The following NANOS1 variants were observed in gnomAD, a reference collection of about 807,000 sequenced individuals.
The protein encoded by NANOS1 is nanos homolog 1.
Under a neutral mutation model 1.1 loss-of-function variants are expected in NANOS1, and 1 was observed. The ratio of observed to expected loss-of-function variants is 0.88; its 90% CI spans 0.31 to 4.20. NANOS1 has a LOEUF of 4.20. Among genes scored for constraint, NANOS1 ranks in the 30% most tolerant of loss-of-function variants. The probability of loss-of-function intolerance (pLI) is 0.17; values close to 1 mark genes in which losing one functional copy is unlikely to be tolerated. For synonymous variants in NANOS1, 252 were observed against 230.6 expected (o/e 1.09, Z -0.84); for missense variants, 537 against 457.9 (o/e 1.17, Z -1.58).
At position 119,031,289 on chromosome 10, in the gene NANOS1, T is replaced by TC. The variant is rs1456425649; in HGVS notation, c.*613dup. 3.0e-5 allele frequency: 5 copies of TC among 167,112 alleles called. No homozygotes were observed. The East Asian group carries it at 9.6e-4, about 32-fold the overall frequency. The allele number at this position is 167,112 out of a possible 1,614,324, so 10.4% of individuals were successfully genotyped here. ...TTCCAGTATTAATTTGGGCGGGTAT[T>TC]CCCCGCTTGTGGCTTGTTTCTGTCC... is the stretch of plus-strand genomic sequence containing the variant. On this transcript the variant is annotated 3_prime_UTR_variant, in exon 1 of 1. Coordinates refer to ENST00000425699, the MANE Select transcript of NANOS1 (RefSeq NM_199461.4).
Position 119,029,893 on chromosome 10 carries a change from C to G in NANOS1, c.92C>G (p.Ala31Gly). 1 of 1,375,652 alleles carries G rather than the reference C, an allele frequency of 7.3e-7. No homozygotes were observed. The highest frequency in any genetic ancestry group is 9.4e-7 in the Non-Finnish European group (1 of 1,060,464). The allele number at this position is 1,375,652 out of a possible 1,614,324, so 85.2% of individuals were successfully genotyped here. ...GTGCCCAGCGCCCGCTACGTGAGCG[C>G]CCCGGGCCCGGCGCACCCGCAGCCC... ...ALVPSARYVS[A>G]PGPAHPQPFS... The change falls in exon 1 of 1, where the codon GCC (alanine) becomes GGC (glycine). Residue 31 changes from alanine to glycine, a missense_variant. Physicochemically the swap from Ala to Gly is moderately conservative, Grantham distance 60. Coordinates refer to ENST00000425699, the MANE Select transcript of NANOS1 (RefSeq NM_199461.4).
rs1848012345 is a variant in NANOS1, at chr10:119,029,805, G to A, written c.4G>A (p.Glu2Lys). The change falls in exon 1 of 1, where the codon GAG becomes AAG. Residue 2 changes from glutamate to lysine, a missense_variant. Glu to Lys is a moderately conservative substitution (Grantham distance 56). Coordinates refer to ENST00000425699, the MANE Select transcript of NANOS1 (RefSeq NM_199461.4). ...GCGCGCGGCCCGCAGCCCGCCCATG[G>A]AGGCTTTCCCCTGGGCGCCCCGCTC... M[E>K]AFPWAPRSPR... 2 of 1,104,426 alleles carry A rather than the reference G, an allele frequency of 1.8e-6. No individual in the cohort carries two copies. The highest frequency in any genetic ancestry group is 1.7e-5 in the African/African-American group (1 of 59,528). 68.4% of individuals were successfully genotyped at this position (1,104,426 alleles called of 1,614,324 possible). A position where few individuals can be genotyped will look rare whatever the true frequency, so the allele number is the denominator to read the frequency against.
At position 119,030,297 on chromosome 10, in the gene NANOS1, G is replaced by A; in HGVS notation, c.496G>A (p.Ala166Thr). 8.6e-7 allele frequency: 1 copy of A among 1,169,358 alleles called. No individual in the cohort carries two copies. The highest frequency in any genetic ancestry group is 1.6e-5 in the African/African-American group (1 of 61,512). The allele number at this position is 1,169,358 out of a possible 1,614,324, so 72.4% of individuals were successfully genotyped here. A position where few individuals can be genotyped will look rare whatever the true frequency, so the allele number is the denominator to read the frequency against. ...GRAAAVLLGC[A>T]PAAAAAATTT... ...TGCCGCCGCCGTGCTGCTGGGCTGC[G>A]CGCCCGCCGCCGCCGCCGCCGCCAC... Residue 166 changes from alanine to threonine, a missense_variant, in exon 1 of 1, where the codon GCG (alanine) becomes ACG (threonine). Physicochemically the swap from Ala to Thr is moderately conservative, Grantham distance 58 (BLOSUM62 0). Coordinates refer to ENST00000425699, the MANE Select transcript of NANOS1 (RefSeq NM_199461.4). The surrounding 1 kb of genome is among the most constrained non-coding windows in gnomAD (Gnocchi z 5.3).
Position 119,030,318 on chromosome 10 carries a change from GCCACCA to G in NANOS1, c.524_529del (p.Thr175_Thr176del). ...CTGCGCGCCCGCCGCCGCCGCCGCCGCCACCACCACCAGCGAGGCGACGCCGCGCGA... is the reference window on the plus strand; with the variant it reads ...CTGCGCGCCCGCCGCCGCCGCCGCCGCCACCAGCGAGGCGACGCCGCGCGA... On this transcript the variant is annotated inframe_deletion, in exon 1 of 1. Transcript: ENST00000425699. This position sits in a 1 kb window ranked among gnomAD's most constrained non-coding sequence, Gnocchi z 5.3. 9.0e-7 allele frequency: 1 copy of G among 1,115,754 alleles called. No homozygotes were observed. The highest frequency in any genetic ancestry group is 1.1e-6 in the Non-Finnish European group (1 of 916,418). The allele number at this position is 1,115,754 out of a possible 1,614,324, so 69.1% of individuals were successfully genotyped here.
chr10:119,029,739 C>G lies in NANOS1; in HGVS notation c.-63C>G, dbSNP rs1229101467. ...GCGGCAGGCCGGCGGGCAGGCTCGGCGTGTCCCTTCCGTCCGGCCCGCGCC... is the reference window on the plus strand; with the variant it reads ...GCGGCAGGCCGGCGGGCAGGCTCGGGGTGTCCCTTCCGTCCGGCCCGCGCC... On this transcript the variant is annotated 5_prime_UTR_variant, in exon 1 of 1. Transcript: ENST00000425699. 1.1e-6 allele frequency: 1 copy of G among 897,178 alleles called. No homozygotes were observed. The highest frequency in any genetic ancestry group is 1.3e-6 in the Non-Finnish European group (1 of 752,514). The allele number at this position is 897,178 out of a possible 1,614,324, so 55.6% of individuals were successfully genotyped here.
rs1027891166 is a variant in NANOS1, at chr10:119,032,939, A to G, written c.*2259A>G. 1.2e-5 allele frequency: 2 copies of G among 167,194 alleles called. No homozygotes were observed. Among genetic ancestry groups the G allele is most frequent in the Non-Finnish European group, 2.9e-5 (2 of 68,224 alleles). The allele number at this position is 167,194 out of a possible 1,614,324, so 10.4% of individuals were successfully genotyped here. ...ATTTTCAGGCCGGGTGTGGTGGCTC[A>G]TGCCTGTAATCCCAGCACTTTGGGA... On this transcript the variant is annotated 3_prime_UTR_variant, in exon 1 of 1. Coordinates refer to ENST00000425699, the MANE Select transcript of NANOS1 (RefSeq NM_199461.4).
chr10:119,030,037 C>T lies in NANOS1; in HGVS notation c.236C>T (p.Ser79Phe). 1 of 1,376,580 alleles carries T rather than the reference C, an allele frequency of 7.3e-7. No homozygotes were observed. The highest frequency in any genetic ancestry group is 9.4e-7 in the Non-Finnish European group (1 of 1,064,428). 85.3% of individuals were successfully genotyped at this position (1,376,580 alleles called of 1,614,324 possible). A position where few individuals can be genotyped will look rare whatever the true frequency, so the allele number is the denominator to read the frequency against. The change falls in exon 1 of 1, where the codon TCC becomes TTC. Residue 79 changes from serine (S) to phenylalanine (F), a missense_variant. By Grantham distance (155) the Ser-to-Phe change is radical. Transcript: ENST00000425699. This position sits in a 1 kb window ranked among gnomAD's most constrained non-coding sequence, Gnocchi z 5.3. The stretch of plus-strand genomic sequence containing the variant: ...GGCGGCGGCGGCTCCCCGCCCTCCT[C>T]CTCCTCGTCGTCCTGCTGCTCCCCC... ...GNGGGGSPPS[S>F]SSSSCCSPHT...
chr10:119,033,424 T>C lies in NANOS1; in HGVS notation c.*2744T>C, dbSNP rs1848082117. The C allele has an allele frequency of 6.0e-6, 1 of 167,060 alleles. No homozygotes were observed. The highest frequency in any genetic ancestry group is 2.1e-4 in the South Asian group (1 of 4,834). The allele number at this position is 167,060 out of a possible 1,614,324, so 10.3% of individuals were successfully genotyped here. On this transcript the variant is annotated 3_prime_UTR_variant, in exon 1 of 1. Transcript: ENST00000425699. ...TTTAGAGAAACCCAATTTTTCAAAG[T>C]TTAAGAAATATACAAAGTATGACAA...
Position 119,030,927 on chromosome 10 carries a change from G to GGT in NANOS1, c.*252_*253dup, listed in dbSNP as rs916322946. The GGT allele has an allele frequency of 2.2e-6, 1 of 452,106 alleles. No individual in the cohort carries two copies. The highest frequency in any genetic ancestry group is 2.1e-5 in the African/African-American group (1 of 48,382). 28.0% of individuals were successfully genotyped at this position (452,106 alleles called of 1,614,324 possible). Reference sequence around the variant, plus strand: ...TGCACATCCAGAACGGCGAAGGCTGGGTGTGTATTCCACTAACTGAAATAT... The same window carrying GGT: ...TGCACATCCAGAACGGCGAAGGCTGGGTGTGTGTATTCCACTAACTGAAATAT... On this transcript the variant is annotated 3_prime_UTR_variant, in exon 1 of 1. Coordinates refer to ENST00000425699, the MANE Select transcript of NANOS1 (RefSeq NM_199461.4). This position sits in a 1 kb window ranked among gnomAD's most constrained non-coding sequence, Gnocchi z 5.3.
Position 119,030,598 on chromosome 10 carries a change from C to A in NANOS1, c.797C>A (p.Pro266Gln). 6.6e-7 allele frequency: 1 copy of A among 1,503,948 alleles called. No homozygotes were observed. The allele number at this position is 1,503,948 out of a possible 1,614,324, so 93.2% of individuals were successfully genotyped here. The change falls in exon 1 of 1, where the codon CCG (proline) becomes CAG (glutamine). Residue 266 changes from proline (P) to glutamine (Q), a missense_variant. By Grantham distance (76) the Pro-to-Gln change is moderately conservative. Coordinates refer to ENST00000425699, the MANE Select transcript of NANOS1 (RefSeq NM_199461.4). The surrounding 1 kb of genome is among the most constrained non-coding windows in gnomAD (Gnocchi z 5.3). ...GDNAHTIKYC[P>Q]LSKVPPPPAR... ...AACGCGCACACCATCAAGTACTGCCCGCTCTCCAAAGTGCCGCCGCCGCCC... is the reference window on the plus strand; with the variant it reads ...AACGCGCACACCATCAAGTACTGCCAGCTCTCCAAAGTGCCGCCGCCGCCC...
chr10:119,029,969 G>A lies in NANOS1; in HGVS notation c.168G>A (p.Ala56=). 2.8e-6 allele frequency: 4 copies of A among 1,420,244 alleles called. No individual in the cohort carries two copies. Among genetic ancestry groups the A allele is most frequent in the Admixed American group, 2.7e-5 (1 of 37,626 alleles). 88.0% of individuals were successfully genotyped at this position (1,420,244 alleles called of 1,614,324 possible). ...YLGLATLITK[A]VDGEPRFGCA... Reference sequence around the variant, plus strand: ...GGCTCGCCACGCTCATCACCAAAGCGGTGGACGGCGAGCCGCGCTTCGGCT... The same window carrying A: ...GGCTCGCCACGCTCATCACCAAAGCAGTGGACGGCGAGCCGCGCTTCGGCT... The change falls in exon 1 of 1, where the codon GCG becomes GCA. Residue 56 remains alanine (A), a synonymous_variant. Coordinates refer to ENST00000425699, the MANE Select transcript of NANOS1 (RefSeq NM_199461.4).
Position 119,033,541 on chromosome 10 carries a change from G to T in NANOS1, c.*2861G>T, listed in dbSNP as rs1294184618. The T allele has an allele frequency of 6.0e-6, 1 of 167,098 alleles. No homozygotes were observed. The highest frequency in any genetic ancestry group is 1.5e-5 in the Non-Finnish European group (1 of 68,120). The allele number at this position is 167,098 out of a possible 1,614,324, so 10.4% of individuals were successfully genotyped here. On this transcript the variant is annotated 3_prime_UTR_variant, in exon 1 of 1. Transcript: ENST00000425699. ...GGGCTTCTCCAACTGTAGAGGTACA[G>T]ATTGTCTTAACCTGTTCTTTTCTGT... is the stretch of plus-strand genomic sequence containing the variant.
chr10:119,030,002 C>T lies in NANOS1; in HGVS notation c.201C>T (p.Arg67=). ...VDGEPRFGCA[R]GGNGGGGSPP... is the part of the protein sequence containing the mutation. The stretch of plus-strand genomic sequence containing the variant: ...GCGAGCCGCGCTTCGGCTGCGCCCG[C>T]GGTGGGAACGGCGGCGGCGGCTCCC... Residue 67 remains arginine, a synonymous_variant, in exon 1 of 1, where the codon CGC becomes CGT. Transcript: ENST00000425699. The surrounding 1 kb of genome is among the most constrained non-coding windows in gnomAD (Gnocchi z 5.3). The T allele has an allele frequency of 7.1e-7, 1 of 1,411,666 alleles. No homozygotes were observed. The highest frequency in any genetic ancestry group is 9.2e-7 in the Non-Finnish European group (1 of 1,083,188). The allele number at this position is 1,411,666 out of a possible 1,614,324, so 87.4% of individuals were successfully genotyped here.
rs1848011447 is a variant in NANOS1, at chr10:119,029,775, AGGCGGCGCGC to A, written c.-23_-14del. The A allele has an allele frequency of 1.0e-6, 1 of 981,516 alleles. No individual in the cohort carries two copies. The highest frequency in any genetic ancestry group is 4.7e-5 in the South Asian group (1 of 21,284). 60.8% of individuals were successfully genotyped at this position (981,516 alleles called of 1,614,324 possible). On this transcript the variant is annotated 5_prime_UTR_variant, in exon 1 of 1. Coordinates refer to ENST00000425699, the MANE Select transcript of NANOS1 (RefSeq NM_199461.4). ...CGTCCGGCCCGCGCCGGCGGCGGGG[AGGCGGCGCGC>A]GGCCCGCAGCCCGCCCATGGAGGCT...
In NANOS1 at chr10:119,030,302, C is replaced by T. The variant is rs1156788362; in HGVS notation, c.501C>T (p.Pro167=). The change falls in exon 1 of 1, where the codon CCC becomes CCT. Residue 167 remains proline (P), a synonymous_variant. Transcript: ENST00000425699. The surrounding 1 kb of genome is among the most constrained non-coding windows in gnomAD (Gnocchi z 5.3). ...RAAAVLLGCA[P]AAAAAATTTS... ...CCGCCGTGCTGCTGGGCTGCGCGCC[C>T]GCCGCCGCCGCCGCCGCCACCACCA... The T allele has an allele frequency of 1.9e-6, 2 of 1,072,494 alleles. No individual in the cohort carries two copies. The highest frequency in any genetic ancestry group is 1.0e-4 in the East Asian group (2 of 19,058). 66.4% of individuals were successfully genotyped at this position (1,072,494 alleles called of 1,614,324 possible).
rs1848041599 is a variant in NANOS1, at chr10:119,031,004, G to T, written c.*324G>T. ...CTGTATACGTCGACCTATTTTAGAT[G>T]CGCATCAGTATGAAATTGTCTCAAT... is the stretch of plus-strand genomic sequence containing the variant. On this transcript the variant is annotated 3_prime_UTR_variant, in exon 1 of 1. Coordinates refer to ENST00000425699, the MANE Select transcript of NANOS1 (RefSeq NM_199461.4). The T allele has an allele frequency of 3.7e-6, 1 of 273,946 alleles. No homozygotes were observed. Among genetic ancestry groups the T allele is most frequent in the East Asian group, 7.1e-5 (1 of 14,024 alleles). 17.0% of individuals were successfully genotyped at this position (273,946 alleles called of 1,614,324 possible).
chr10:119,030,496 T>C lies in NANOS1; in HGVS notation c.695T>C (p.Leu232Pro). 6.6e-7 allele frequency: 1 copy of C among 1,512,268 alleles called. No individual in the cohort carries two copies. The highest frequency in any genetic ancestry group is 2.7e-5 in the East Asian group (1 of 37,172). The allele number at this position is 1,512,268 out of a possible 1,614,324, so 93.7% of individuals were successfully genotyped here. ...ATGGCGCTCTACACCACCCATATCCTCAAGGGCCCCGACGGGCGAGTGCTG... is the reference window on the plus strand; with the variant it reads ...ATGGCGCTCTACACCACCCATATCCCCAAGGGCCCCGACGGGCGAGTGCTG... ...EAMALYTTHI[L>P]KGPDGRVLCP... The change falls in exon 1 of 1, where the codon CTC becomes CCC. Residue 232 changes from leucine to proline, a missense_variant. By Grantham distance (98) the Leu-to-Pro change is moderately conservative (BLOSUM62 -3). Transcript: ENST00000425699. This position sits in a 1 kb window ranked among gnomAD's most constrained non-coding sequence, Gnocchi z 5.3.
At position 119,030,051 on chromosome 10, in the gene NANOS1, T is replaced by C; in HGVS notation, c.250T>C (p.Cys84Arg). The C allele has an allele frequency of 7.4e-7, 1 of 1,348,538 alleles. No individual in the cohort carries two copies. The highest frequency in any genetic ancestry group is 9.5e-7 in the Non-Finnish European group (1 of 1,050,932). The allele number at this position is 1,348,538 out of a possible 1,614,324, so 83.5% of individuals were successfully genotyped here. A position where few individuals can be genotyped will look rare whatever the true frequency, so the allele number is the denominator to read the frequency against. ...CCCGCCCTCCTCCTCCTCGTCGTCCTGCTGCTCCCCCCACACGGGGGCCGG... is the reference window on the plus strand; with the variant it reads ...CCCGCCCTCCTCCTCCTCGTCGTCCCGCTGCTCCCCCCACACGGGGGCCGG... Reference protein sequence around the residue: ...GSPPSSSSSSCCSPHTGAGPG... With the variant: ...GSPPSSSSSSRCSPHTGAGPG... The change falls in exon 1 of 1, where the codon TGC (cysteine) becomes CGC (arginine). Residue 84 changes from cysteine (C) to arginine (R), a missense_variant. Cys to Arg is a radical substitution (Grantham distance 180, BLOSUM62 -3). Transcript: ENST00000425699. This position sits in a 1 kb window ranked among gnomAD's most constrained non-coding sequence, Gnocchi z 5.3.
In NANOS1 at chr10:119,032,347, C is replaced by T. The variant is rs1158100185; in HGVS notation, c.*1667C>T. On this transcript the variant is annotated 3_prime_UTR_variant, in exon 1 of 1. Transcript: ENST00000425699. ...GGGGCAGGAGGAAAGCACAATGTTT[C>T]TTAGCCAGGAAAGACAAATAATCCA... The T allele has an allele frequency of 6.0e-6, 1 of 166,906 alleles. No individual in the cohort carries two copies. The highest frequency in any genetic ancestry group is 2.4e-5 in the African/African-American group (1 of 41,448). 10.3% of individuals were successfully genotyped at this position (166,906 alleles called of 1,614,324 possible). A position where few individuals can be genotyped will look rare whatever the true frequency, so the allele number is the denominator to read the frequency against.
Sources: gnomAD v4.1 joint callset for allele counts on GRCh38, gnomAD v4.1.1 for gene constraint, Gnocchi (gnomAD v3.1) non-coding constraint, MANE v1.5 for transcripts, NCBI Gene and HGNC (gene_info 2026-07-23, HGNC 2026-07-21) for gene names.